SPG7: variants seen among roughly 807,000 people sequenced by gnomAD.
SPG7 encodes mitochondrial inner membrane m-AAA protease component paraplegin.
Under a neutral mutation model 81.9 loss-of-function variants are expected in SPG7, and 103 were observed. The ratio of observed to expected loss-of-function variants is 1.26; its 90% CI spans 1.07 to 1.48. SPG7 has a LOEUF of 1.48. SPG7 is among the 40% of genes most tolerant of loss of function. The pLI, the probability that SPG7 is intolerant of heterozygous loss-of-function variation, is 0.00. For missense variants in SPG7, 1,241 were observed against 1,087.3 expected (o/e 1.14, Z -1.99); for synonymous variants, 534 against 444.2 (o/e 1.20, Z -2.54).
chr16:89,543,730 T>G (rs544449777), intron 9 of SPG7: 3 of 149,208 alleles, frequency 2.0e-5, no homozygotes, highest in African/African-American at 7.4e-5. Flanking sequence ...CTTGGCTCAC[T>G]GCAACCTCCG....
intron 4 of SPG7, among the ~76,000 whole-genome samples, chr16:89,525,414 C>T (rs2058247351): frequency 6.6e-6 from 1 of 152,214 alleles, no homozygotes; most frequent in African/African-American, 2.4e-5. Context: ...ACACTATGCT[C>T]AGCTCTAGAC....
rs757358666 is a variant in SPG7 at position 89,556,952 on chromosome 16, G to A, written c.2247G>A (p.Pro749=). The change falls in exon 17 of 17, where the codon CCG becomes CCA. Residue 749 remains proline, a synonymous_variant. Transcript: ENST00000645818. ...NYEDIEALIG[P]PPHGPKKMIA... is the part of the protein sequence containing the mutation. Reference sequence around the variant, plus strand: ...AGGACATTGAGGCTCTCATTGGCCCGCCGCCCCATGGGCCGAAGAAAATGA... The same window carrying A: ...AGGACATTGAGGCTCTCATTGGCCCACCGCCCCATGGGCCGAAGAAAATGA... 5.6e-5 allele frequency: 91 copies of A among 1,613,860 alleles called. No individual in the cohort carries two copies. In the East Asian group the frequency reaches 6.5e-4, roughly 11 times the overall value.
chr16:89,541,848 C>G (rs1328089188), intron 9 of SPG7: 4 of 151,746 alleles, frequency 2.6e-5, no homozygotes, highest in Non-Finnish European at 5.9e-5. Context: ...GTGTCCAGTC[C>G]CAGGAAGTCT....
chr16:89,510,511 AC>A lies in SPG7; in HGVS notation c.209del (p.Pro70LeufsTer11). The A allele has an allele frequency of 6.2e-7, 1 of 1,608,458 alleles. No individual in the cohort carries two copies. The highest frequency in any genetic ancestry group is 8.5e-7 in the Non-Finnish European group (1 of 1,176,554). On this transcript the variant is annotated frameshift_variant, in exon 2 of 17. Coordinates refer to ENST00000645818, the MANE Select transcript of SPG7 (RefSeq NM_003119.4). LOFTEE classifies it high-confidence loss of function. The part of the protein sequence containing the change: ...ALQSLQLRLL[T>X]PTFEGINGLL... Reference sequence around the variant, plus strand: ...TCAGAGCTTACAATTGAGACTGCTAACCCCTACCTTTGAAGGGATCAACGGA... The same window carrying A: ...TCAGAGCTTACAATTGAGACTGCTAACCCTACCTTTGAAGGGATCAACGGA...
chr16:89,536,989 G>T (rs2058433666), intron 9 of SPG7: 4 of 1,613,478 alleles, frequency 2.5e-6, no homozygotes, highest in Non-Finnish European at 3.4e-6. Flanking sequence ...TAACCTCTCT[G>T]TGCCATCATA....
At chr16:89,511,124 C>T (rs1187671852) in intron 2 of SPG7, among the ~76,000 whole-genome samples, 1 of 152,206 alleles carries the variant, frequency 6.6e-6, no homozygotes, top group East Asian at 1.9e-4. Context: ...AGGCATGAGC[C>T]ACCGCATCTG....
At chr16:89,545,415 C>G (rs1306198691) in intron 10 of SPG7, 1 of 197,158 alleles carries the variant, frequency 5.1e-6, no homozygotes, top group Non-Finnish European at 1.1e-5. Flanking sequence ...TCAGTGCAGC[C>G]TGGGGAGCAG....
chr16:89,538,965 G>A (rs2058463296), intron 9 of SPG7: 1 of 152,258 alleles, frequency 6.6e-6, no homozygotes, highest in Non-Finnish European at 1.5e-5. Flanking sequence ...TGAACACTGA[G>A]GATACTGTGG....
chr16:89,526,447 A>G lies in SPG7; in HGVS notation c.737A>G (p.Lys246Arg). The G allele has an allele frequency of 2.5e-6, 4 of 1,614,252 alleles. No individual in the cohort carries two copies. The highest frequency in any genetic ancestry group is 3.4e-6 in the Non-Finnish European group (4 of 1,180,054). The change falls in exon 5 of 17, where the codon AAG becomes AGG. Residue 246 changes from lysine (K) to arginine (R), a missense_variant. Coordinates refer to ENST00000645818, the MANE Select transcript of SPG7 (RefSeq NM_003119.4). Reference protein sequence around the residue: ...EAKDRIPVSYKRTGFFGNALY... With the variant: ...EAKDRIPVSYRRTGFFGNALY... ...AAGGACAGGATCCCAGTTTCCTACA[A>G]GCGAACAGGATTCTTTGGAAAGTAT...
rs2058041135 is a variant in SPG7, at chr16:89,512,949, T to G, written c.288T>G (p.Gly96=). Reference sequence around the variant, plus strand: ...AAATCCTTTCTCTATTTCTCATAGGTGGTACTTTCTATTTTAACACCTCAA... The same window carrying G: ...AAATCCTTTCTCTATTTCTCATAGGGGGTACTTTCTATTTTAACACCTCAA... The part of the protein sequence containing the change: ...QNPVRLWQLL[G]GTFYFNTSRL... Residue 96 remains glycine, a splice_region_variant and synonymous_variant, in exon 3 of 17, where the codon GGT becomes GGG. Transcript: ENST00000645818. 6.2e-7 allele frequency: 1 copy of G among 1,613,202 alleles called. No individual in the cohort carries two copies. Among genetic ancestry groups the G allele is most frequent in the Non-Finnish European group, 8.5e-7 (1 of 1,179,372 alleles).
At chr16:89,509,786 C>CT (rs34140158) in intron 1 of SPG7, among the ~76,000 whole-genome samples, 2,836 of 95,126 alleles carry the variant, frequency 0.03, 78 homozygotes, top group Non-Finnish European at 0.038. Flanking sequence ...TTGTTTTCTT[C>CT]TTTTTTTTTT....
Position 89,547,404 on chromosome 16 carries a change from C to T in SPG7, c.1553-599C>T, listed in dbSNP as rs2058577066. On this transcript the variant is annotated intron_variant, in intron 11 of 16. Coordinates refer to ENST00000645818, the MANE Select transcript of SPG7 (RefSeq NM_003119.4). ...GAGACGGGCGTCAGGGCGGATGGAGCCTGGCGGTTCTGTGTCTCGTCTGTG... is the reference window on the plus strand; with the variant it reads ...GAGACGGGCGTCAGGGCGGATGGAGTCTGGCGGTTCTGTGTCTCGTCTGTG... 1.7e-5 allele frequency: 3 copies of T among 177,694 alleles called. No individual in the cohort carries two copies. The South Asian group carries it at 3.5e-4, about 21-fold the overall frequency. 11.0% of individuals were successfully genotyped at this position (177,694 alleles called of 1,614,324 possible).
intron 3 of SPG7, chr16:89,519,459 C>T (rs2152397472): frequency 6.6e-6 from 1 of 152,182 alleles, no homozygotes; most frequent in East Asian, 1.9e-4. Flanking sequence ...CAGCTCACCG[C>T]AACCTCCGCC....
chr16:89,552,193 G>C (rs2058641836), intron 13 of SPG7: 1 of 152,458 alleles, frequency 6.6e-6, no homozygotes, highest in South Asian at 2.1e-4. Flanking sequence ...TGCATAGCTG[G>C]GACTACAGGC....
At chr16:89,532,761 C>A in intron 9 of SPG7, 125 bp downstream of exon 9, 3 of 1,168,318 alleles carry the variant, frequency 2.6e-6, no homozygotes, top group Non-Finnish European at 3.7e-6. Flanking sequence ...CAGAGTGAGA[C>A]TCTGTCTCAA....
At chr16:89,542,539 CGT>C (rs972609141) in intron 9 of SPG7, among the ~76,000 whole-genome samples, 1 of 152,206 alleles carries the variant, frequency 6.6e-6, no homozygotes, top group Non-Finnish European at 1.5e-5. Context: ...CACATTCTGA[CGT>C]GTGGAACCAG....
intron 1 of SPG7, chr16:89,509,013 G>A: frequency 2.2e-6 from 1 of 463,070 alleles, no homozygotes; most frequent in South Asian, 1.6e-5. Flanking sequence ...CGAGTAGGGG[G>A]CCCAGAACGT....
intron 3 of SPG7, among the ~76,000 whole-genome samples, chr16:89,515,222 C>G (rs1392257144): frequency 6.6e-6 from 1 of 150,680 alleles, no homozygotes; most frequent in African/African-American, 2.4e-5. Flanking sequence ...AGGAGTGGGC[C>G]ACCGCACCCA....
At chr16:89,539,184 C>T (rs2058466281) in intron 9 of SPG7, 1 of 152,212 alleles carries the variant, frequency 6.6e-6, no homozygotes, top group African/African-American at 2.4e-5. Context: ...AAAAGCTGCT[C>T]ATTTTGATAA....
Sources: gnomAD v4.1 joint callset for allele counts (sites outside exome capture counted in the v4.1 genomes callset) on GRCh38, gnomAD v4.1.1 for gene constraint, MANE v1.5 for transcripts, NCBI Gene and HGNC (gene_info 2026-07-23, HGNC 2026-07-21) for gene names.